CRELD2: variants seen among roughly 807,000 people sequenced by gnomAD.
CRELD2 encodes the protein protein disulfide isomerase CRELD2.
CRELD2 carries 33 observed loss-of-function variants against 48.1 expected under a neutral mutation model. The ratio of observed to expected loss-of-function variants is 0.69; its 90% CI spans 0.52 to 0.92. The LOEUF is 0.92. Ranked by LOEUF, CRELD2 falls within the 40% of genes least tolerant of loss-of-function variation. The pLI is 0.00. For missense variants in CRELD2, 477 were observed against 482.4 expected, an observed-to-expected ratio of 0.99 and a Z score of 0.10; for synonymous variants, 220 against 203.9, an observed-to-expected ratio of 1.08 and a Z score of -0.67.
chr22:49,921,563 C>T, intron 4 of CRELD2, 22 bp from the exon 5 acceptor site: 1 of 1,607,416 alleles, frequency 6.2e-7, no homozygotes, highest in South Asian at 1.1e-5. Flanking sequence ...GTGCTCTGAG[C>T]ATGGTTTTGT....
intron 4 of CRELD2, 72 bp downstream of exon 4, chr22:49,920,319 A>G (rs1042552987): frequency 1.2e-5 from 14 of 1,134,458 alleles, no homozygotes; most frequent in Non-Finnish European, 1.8e-5. Flanking sequence ...CTTGGGAGGT[A>G]AAAGCACAGA....
In CRELD2 at chr22:49,927,398, G is replaced by A; in HGVS notation, c.*91G>A. 2.0e-6 allele frequency: 2 copies of A among 998,650 alleles called. No individual in the cohort carries two copies. The highest frequency in any genetic ancestry group is 1.3e-5 in the South Asian group (1 of 77,298). 61.9% of individuals were successfully genotyped at this position (998,650 alleles called of 1,614,324 possible). A position where few individuals can be genotyped will look rare whatever the true frequency, so the allele number is the denominator to read the frequency against. ...CCGTCTCCTGCAGTGGACAGCGGCG[G>A]GGAGAGGCTGCCTGCTCTCTAACGG... On this transcript the variant is annotated 3_prime_UTR_variant, in exon 10 of 10. Transcript: ENST00000328268.
chr22:49,920,341 G>A (rs372231595), intron 4 of CRELD2, 94 bp downstream of exon 4: 2 of 863,274 alleles, frequency 2.3e-6, no homozygotes, highest in Non-Finnish European at 1.8e-6. Flanking sequence ...GGGACCTGGG[G>A]TGCATCAGCT....
At chr22:49,925,628 G>T in intron 9 of CRELD2, 71 bp downstream of exon 9, 1 of 1,596,712 alleles carries the variant, frequency 6.3e-7, no homozygotes, top group Non-Finnish European at 8.5e-7. Flanking sequence ...TAGACTGGCT[G>T]CTTGGTCTGA....
At chr22:49,925,082 GAT>G in intron 8 of CRELD2, 1 of 183,446 alleles carries the variant, frequency 5.5e-6, no homozygotes, top group Non-Finnish European at 1.1e-5. Context: ...AGTGAGAGGA[GAT>G]CGCGCCACCG....
At chr22:49,918,991 C>G in intron 1 of CRELD2, 93 bp downstream of exon 1, 1 of 1,128,914 alleles carries the variant, frequency 8.9e-7, no homozygotes, top group Non-Finnish European at 1.2e-6. Flanking sequence ...CAGGGTCGCC[C>G]TCACCCTGGA....
chr22:49,919,032 T>TCGCCCCCACCGTGGGCCCGGGGC, intron 1 of CRELD2, 134 bp downstream of exon 1: 1 of 880,300 alleles, frequency 1.1e-6, no homozygotes, highest in Non-Finnish European at 1.7e-6. Context: ...GGATTCGGGA[T>TCGCCCCCACCGTGGGCCCGGGGC]CCCCCTCACC....
intron 4 of CRELD2, chr22:49,921,303 G>A: frequency 2.2e-6 from 1 of 450,820 alleles, no homozygotes; most frequent in South Asian, 3.9e-5. Flanking sequence ...TCATCTTAGG[G>A]GACAGCTGTG....
chr22:49,923,472 A>G (rs1036341971), intron 7 of CRELD2, 155 bp downstream of exon 7: 5 of 718,768 alleles, frequency 7.0e-6, no homozygotes, highest in Non-Finnish European at 1.2e-5. Flanking sequence ...TATTTGCTGC[A>G]GGAAAATCAG....
At chr22:49,919,488 C>T (rs1601836510) in intron 2 of CRELD2, among the ~76,000 whole-genome samples, 176 bp downstream of exon 2, 1 of 152,256 alleles carries the variant, frequency 6.6e-6, no homozygotes, top group Admixed American at 6.5e-5. Flanking sequence ...CCTCTCTGGC[C>T]TTCCAGCTTC....
At chr22:49,924,855 A>G (rs879284980) in intron 8 of CRELD2, 6 of 172,866 alleles carry the variant, frequency 3.5e-5, no homozygotes, top group Non-Finnish European at 6.2e-5. Flanking sequence ...TTTCCTGGGC[A>G]GGCGCCATGG....
intron 1 of CRELD2, 79 bp from the exon 2 acceptor site, chr22:49,919,151 T>A: frequency 7.2e-7 from 1 of 1,383,320 alleles, no homozygotes; most frequent in South Asian, 1.2e-5. Context: ...TGGAGTCCCC[T>A]CACCCTCGAC....
rs111939483 is a variant in CRELD2, at chr22:49,922,367, C to G, written c.593-245C>G. 5 of 1,610,794 alleles carry G rather than the reference C, an allele frequency of 3.1e-6. No individual in the cohort carries two copies. The African/African-American group carries it at 5.3e-5, about 17-fold the overall frequency. ...TTGGATGTTGGCGTGGCGTGGGCCA[C>G]GCATGGATCCGTGGCCGGAACACGC... is the stretch of plus-strand genomic sequence containing the variant. On this transcript the variant is annotated intron_variant, in intron 5 of 9. Transcript: ENST00000328268.
chr22:49,925,497 T>C lies in CRELD2; in HGVS notation c.949T>C (p.Cys317Arg). The C allele has an allele frequency of 6.2e-7, 1 of 1,614,034 alleles. No individual in the cohort carries two copies. The part of the protein sequence containing the change: ...NCYNTPGSYV[C>R]VCPDGFEETE... ...CTACAATACTCCAGGGAGCTACGTC[T>C]GTGTGTGTCCTGACGGCTTCGAAGA... is the stretch of plus-strand genomic sequence containing the variant. The change falls in exon 9 of 10, where the codon TGT (cysteine) becomes CGT (arginine). Residue 317 changes from cysteine (C) to arginine (R), a missense_variant. Physicochemically the swap from Cys to Arg is radical, Grantham distance 180 (BLOSUM62 -3). Transcript: ENST00000328268.
At chr22:49,920,769 A>G (rs2060677169) in intron 4 of CRELD2, among the ~76,000 whole-genome samples, 1 of 152,222 alleles carries the variant, frequency 6.6e-6, no homozygotes, top group African/African-American at 2.4e-5. Flanking sequence ...ATAAAAGCCA[A>G]TCTCGTGGTC....
chr22:49,924,699 G>C (rs918253045), intron 8 of CRELD2: 1 of 323,488 alleles, frequency 3.1e-6, no homozygotes. Flanking sequence ...GCCTCTCGCC[G>C]GTGGCCTCGT....
rs1414142108 is a variant in CRELD2 at position 49,922,683 on chromosome 22, G to C, written c.664G>C (p.Val222Leu). 6.4e-7 allele frequency: 1 copy of C among 1,556,502 alleles called. No homozygotes were observed. The highest frequency in any genetic ancestry group is 2.4e-5 in the East Asian group (1 of 42,156). ...RDCGECEVGWVLDEGACVDVD... is the reference protein window; with the variant it reads ...RDCGECEVGWLLDEGACVDVD... ...CTGCGGCGAGTGTGAAGTGGGCTGG[G>C]TGCTGGACGAGGGCGCCTGTGTGGG... The change falls in exon 6 of 10, where the codon GTG (valine) becomes CTG (leucine). Residue 222 changes from valine (V) to leucine (L), a missense_variant. Physicochemically the swap from Val to Leu is conservative, Grantham distance 32. Transcript: ENST00000328268.
chr22:49,919,909 C>A, intron 3 of CRELD2, 69 bp downstream of exon 3: 1 of 1,230,086 alleles, frequency 8.1e-7, no homozygotes, highest in Non-Finnish European at 1.2e-6. Flanking sequence ...TAACCTCAGA[C>A]TTAGAAAGGT....
At chr22:49,922,508 C>G in intron 5 of CRELD2, 104 bp from the exon 6 acceptor site, 3 of 1,495,092 alleles carry the variant, frequency 2.0e-6, no homozygotes, top group Non-Finnish European at 2.7e-6. Flanking sequence ...ACTGAAAATC[C>G]CGTGTTGCTT....
Sources: gnomAD v4.1 joint callset for allele counts (sites outside exome capture counted in the v4.1 genomes callset) on GRCh38, gnomAD v4.1.1 for gene constraint, MANE v1.5 for transcripts, NCBI Gene and HGNC (gene_info 2026-07-23, HGNC 2026-07-21) for gene names.